The following SUDS3 variants were observed in gnomAD, a reference collection of about 807,000 sequenced individuals.
SUDS3 encodes the protein SIN3A corepressor complex component SDS3.
A neutral mutation model predicts 53.5 loss-of-function variants in SUDS3; 23 were observed. That is an observed-to-expected ratio of 0.43 (90% CI 0.31 to 0.61). The LOEUF (loss-of-function observed/expected upper bound fraction) is 0.61, where lower values mean the gene tolerates loss of function less well. SUDS3 is among the 20% of genes least tolerant of loss of function. The pLI is 0.10. For synonymous variants in SUDS3, 150 were observed against 148.5 expected (o/e 1.01, Z -0.08); for missense variants, 291 against 405.9 (o/e 0.72, Z 2.43).
In SUDS3 at chr12:118,411,119, A is replaced by C; in HGVS notation, c.850A>C (p.Lys284Gln). The C allele has an allele frequency of 6.2e-7, 1 of 1,604,494 alleles. No individual in the cohort carries two copies. ...AIYLESKDNQ[K>Q]LSCVISSVGA... Reference sequence around the variant, plus strand: ...CTATCTGGAGTCAAAGGACAACCAGAAACTGAGCTGCGTGATCAGTTCTGT... The same window carrying C: ...CTATCTGGAGTCAAAGGACAACCAGCAACTGAGCTGCGTGATCAGTTCTGT... The change falls in exon 11 of 12, where the codon AAA becomes CAA. Residue 284 changes from lysine to glutamine, a missense_variant. Transcript: ENST00000543473.
chr12:118,394,139 C>T (rs1190941931), intron 6 of SUDS3, among the ~76,000 whole-genome samples: 1 of 152,170 alleles, frequency 6.6e-6, no homozygotes, highest in African/African-American at 2.4e-5. Context: ...GCTGATGGTC[C>T]AGGGCTGAAT....
intron 6 of SUDS3, among the ~76,000 whole-genome samples, chr12:118,395,996 T>C (rs1166482853): frequency 6.6e-6 from 1 of 152,094 alleles, no homozygotes; most frequent in African/African-American, 2.4e-5. Context: ...TTCATTCTTA[T>C]TCCCCACCCC....
chr12:118,387,602 A>G (rs969769069), intron 4 of SUDS3, among the ~76,000 whole-genome samples: 4 of 150,738 alleles, frequency 2.7e-5, no homozygotes, highest in African/African-American at 9.8e-5. Flanking sequence ...CCCAGGCTGG[A>G]GTGTGGTGGC....
intron 5 of SUDS3, 27 bp downstream of exon 5, chr12:118,389,973 G>T (rs1299686127): frequency 6.2e-7 from 1 of 1,613,818 alleles, no homozygotes; most frequent in African/African-American, 1.3e-5. Context: ...TTCTGGGTTT[G>T]CAGGCCCTGT....
At chr12:118,387,620 C>T (rs1372564020) in intron 4 of SUDS3, among the ~76,000 whole-genome samples, 1 of 151,666 alleles carries the variant, frequency 6.6e-6, no homozygotes, top group Non-Finnish European at 1.5e-5. Flanking sequence ...GGCGCTATCT[C>T]AGCTCACTGC....
intron 3 of SUDS3, 120 bp downstream of exon 3, chr12:118,384,187 C>T (rs1466647189): frequency 3.1e-6 from 3 of 956,664 alleles, no homozygotes; most frequent in Non-Finnish European, 3.1e-6. Context: ...CTGATCTTAG[C>T]TATCCAGTAC....
intron 6 of SUDS3, among the ~76,000 whole-genome samples, chr12:118,391,600 A>G (rs1303972269): frequency 2.0e-5 from 3 of 152,178 alleles, no homozygotes; most frequent in Non-Finnish European, 2.9e-5. Context: ...AGTAATTGCA[A>G]GCTCTGGCTT....
intron 1 of SUDS3, 92 bp downstream of exon 1, chr12:118,376,925 C>T: frequency 7.4e-7 from 1 of 1,346,742 alleles, no homozygotes; most frequent in Non-Finnish European, 9.5e-7. Flanking sequence ...GGGGCGGCCT[C>T]CGGGGCCTGG....
chr12:118,400,768 T>C lies in SUDS3; in HGVS notation c.613+14T>C. The C allele has an allele frequency of 6.2e-7, 1 of 1,612,808 alleles. No homozygotes were observed. Among genetic ancestry groups the C allele is most frequent in the Non-Finnish European group, 8.5e-7 (1 of 1,178,792 alleles). The stretch of plus-strand genomic sequence containing the variant: ...AACCTGCTCCAGATATCCATTTACA[T>C]CAAGCCTTAACCGCCTTTCTTTTTT... On this transcript the variant is annotated intron_variant, in intron 7 of 11. Coordinates refer to ENST00000543473, the MANE Select transcript of SUDS3 (RefSeq NM_022491.3).
In SUDS3 at chr12:118,380,209, G is replaced by T. The variant is rs752392988; in HGVS notation, c.190G>T (p.Asp64Tyr). ...TGACCTGGCAAAGCATGATGAAGAA[G>T]ACTATGTAGAAATGAAGGAACAGTG... ...ETDLAKHDEE[D>Y]YVEMKEQMYQ... The change falls in exon 2 of 12, where the codon GAC (aspartate) becomes TAC (tyrosine). Residue 64 changes from aspartate to tyrosine, a missense_variant. Physicochemically the swap from Asp to Tyr is radical, Grantham distance 160. This residue lies in a region of SUDS3 where 149 missense variants were observed against 146.5 expected (regional missense o/e 1.02). Coordinates refer to ENST00000543473, the MANE Select transcript of SUDS3 (RefSeq NM_022491.3). 1 of 1,608,406 alleles carries T rather than the reference G, an allele frequency of 6.2e-7. No individual in the cohort carries two copies. Among genetic ancestry groups the T allele is most frequent in the Non-Finnish European group, 8.5e-7 (1 of 1,177,424 alleles).
chr12:118,379,929 A>C (rs1252678065), intron 1 of SUDS3, among the ~76,000 whole-genome samples: 1 of 152,142 alleles, frequency 6.6e-6, no homozygotes, highest in East Asian at 1.9e-4. Context: ...GGATACTACA[A>C]CCTGAGGATA....
intron 6 of SUDS3, among the ~76,000 whole-genome samples, chr12:118,398,413 C>T (rs1566204515): frequency 6.6e-6 from 1 of 152,126 alleles, no homozygotes; most frequent in Admixed American, 6.5e-5. Context: ...AGAAGGGTGG[C>T]ACCTCAGCAT....
intron 2 of SUDS3, 107 bp downstream of exon 2, chr12:118,380,338 T>G: frequency 1.0e-6 from 1 of 957,548 alleles, no homozygotes; most frequent in African/African-American, 1.6e-5. Context: ...ATCTAAAACT[T>G]CCTGAGTGCC....
At position 118,417,342 on chromosome 12, in the gene SUDS3, G is replaced by A. The variant is rs1304104410; in HGVS notation, c.*2909G>A. On this transcript the variant is annotated 3_prime_UTR_variant, in exon 12 of 12. Transcript: ENST00000543473. ...GGGTGACTTTTCTAAGAAATATGGG[G>A]TTTAGAATGGGGTTGACTGTATTTT... The A allele has an allele frequency of 6.6e-6, 1 of 152,186 alleles. No homozygotes were observed. The highest frequency in any genetic ancestry group is 1.9e-4 in the East Asian group (1 of 5,200). 9.4% of individuals were successfully genotyped at this position (152,186 alleles called of 1,614,324 possible).
At chr12:118,395,695 T>G (rs562700028) in intron 6 of SUDS3, among the ~76,000 whole-genome samples, 26 of 152,020 alleles carry the variant, frequency 1.7e-4, no homozygotes, top group African/African-American at 5.8e-4. Context: ...GTGGATTGAT[T>G]GATTGATTGA....
At chr12:118,390,645 T>C (rs1167790999) in intron 5 of SUDS3, among the ~76,000 whole-genome samples, 1 of 152,182 alleles carries the variant, frequency 6.6e-6, no homozygotes. Flanking sequence ...GTCACCACAA[T>C]GGCGAGATTT....
intron 3 of SUDS3, 81 bp downstream of exon 3, chr12:118,384,148 C>G: frequency 7.1e-7 from 1 of 1,403,512 alleles, no homozygotes; most frequent in South Asian, 1.2e-5. Context: ...TTTCACTTCT[C>G]TGTGGGAGTT....
At chr12:118,412,643 T>C (rs186359014) in intron 11 of SUDS3, among the ~76,000 whole-genome samples, 4 of 152,348 alleles carry the variant, frequency 2.6e-5, no homozygotes, top group African/African-American at 7.2e-5. Flanking sequence ...CTGTCTGGGT[T>C]GTTCCACAAG....
intron 3 of SUDS3, among the ~76,000 whole-genome samples, chr12:118,384,325 G>A (rs1190836356): frequency 6.6e-6 from 1 of 152,182 alleles, no homozygotes; most frequent in Non-Finnish European, 1.5e-5. Flanking sequence ...AATGGAGCAC[G>A]AATTGAACGC....
Sources: gnomAD v4.1 joint callset for allele counts (sites outside exome capture counted in the v4.1 genomes callset) on GRCh38, gnomAD v4.1.1 for gene constraint, gnomAD v4.1.1 regional missense constraint, MANE v1.5 for transcripts, NCBI Gene and HGNC (gene_info 2026-07-23, HGNC 2026-07-21) for gene names.